Variants in PLCB4 observed in about 807,000 individuals in gnomAD.
PLCB4 encodes phospholipase C beta 4.
PLCB4 carries 77 observed loss-of-function variants against 178.8 expected under a neutral mutation model. The observed-to-expected ratio is 0.43, with a 90% CI of 0.36 to 0.52. The LOEUF (loss-of-function observed/expected upper bound fraction) is 0.52, where lower values mean the gene tolerates loss of function less well. Ranked by LOEUF, PLCB4 falls within the 20% of genes least tolerant of loss-of-function variation. The pLI is 0.00. For synonymous variants in PLCB4, 496 were observed against 490.8 expected, an observed-to-expected ratio of 1.01 and a Z score of -0.14; for missense variants, 1,024 against 1,453.4, an observed-to-expected ratio of 0.70 and a Z score of 4.80.
At position 9,251,290 on chromosome 20, in the gene PLCB4, T is replaced by C. The variant is rs114731543; in HGVS notation, c.-16+33838T>C. 8.5e-3 allele frequency among the ~76,000 whole-genome samples: 1,290 copies of C among 152,324 alleles called. 23 individuals are homozygous for C. The highest frequency in any genetic ancestry group is 0.03 in the African/African-American group (1,234 of 41,576). Reference sequence around the variant, plus strand: ...GTGGTCCTCATATCGGCTGCATAGATGTCACCTGGGAGCTTATTAGAAATT... The same window carrying C: ...GTGGTCCTCATATCGGCTGCATAGACGTCACCTGGGAGCTTATTAGAAATT... On this transcript the variant is annotated intron_variant, in intron 3 of 39. Transcript: ENST00000378473.
chr20:9,124,263 C>A (rs1047894227), intron 2 of PLCB4, among the ~76,000 whole-genome samples: 1 of 152,016 alleles, frequency 6.6e-6, no homozygotes, highest in African/African-American at 2.4e-5. Flanking sequence ...CCCAGAACTT[C>A]GGGAGACTGA....
chr20:9,345,070 TC>T (rs1466501371), intron 7 of PLCB4, among the ~76,000 whole-genome samples: 1 of 152,072 alleles, frequency 6.6e-6, no homozygotes, highest in African/African-American at 2.4e-5. Context: ...ATGCCTGTAA[TC>T]CCAGCTACAC....
At chr20:9,098,804 G>A (rs2091027698) in intron 2 of PLCB4, among the ~76,000 whole-genome samples, 2 of 143,536 alleles carry the variant, frequency 1.4e-5, no homozygotes, top group Non-Finnish European at 3.0e-5. Flanking sequence ...GACATCCTTG[G>A]AATTAATTGC....
intron 12 of PLCB4, among the ~76,000 whole-genome samples, chr20:9,378,433 A>C (rs2036857803): frequency 1.3e-5 from 2 of 152,098 alleles, no homozygotes; most frequent in South Asian, 4.1e-4. Flanking sequence ...TGTTGTTGTC[A>C]GTTTGTTTGT....
intron 9 of PLCB4, among the ~76,000 whole-genome samples, chr20:9,368,082 T>A (rs2035931793): frequency 6.6e-6 from 1 of 152,230 alleles, no homozygotes; most frequent in African/African-American, 2.4e-5. Context: ...TAAACACTTT[T>A]AAAATGTTAT....
chr20:9,437,549 A>G (rs2041851991), intron 30 of PLCB4, among the ~76,000 whole-genome samples: 1 of 152,260 alleles, frequency 6.6e-6, no homozygotes, highest in Non-Finnish European at 1.5e-5. Flanking sequence ...ATATTCAGCC[A>G]GTATGTAGGG....
intron 35 of PLCB4, among the ~76,000 whole-genome samples, chr20:9,461,974 A>C (rs1025553305): frequency 6.6e-6 from 1 of 152,130 alleles, no homozygotes; most frequent in African/African-American, 2.4e-5. Flanking sequence ...CCTGACCCCC[A>C]TGTAGCCTAA....
chr20:9,340,486 C>T (rs537471615), intron 7 of PLCB4, among the ~76,000 whole-genome samples: 8 of 152,218 alleles, frequency 5.3e-5, no homozygotes, highest in South Asian at 2.1e-4. Flanking sequence ...GAAGTGGATG[C>T]TCGATGTCAC....
At chr20:9,471,038 G>A (rs926800363) in intron 36 of PLCB4, among the ~76,000 whole-genome samples, 34 of 152,110 alleles carry the variant, frequency 2.2e-4, no homozygotes, top group Non-Finnish European at 4.4e-4. Context: ...CATAGAAACT[G>A]AAAATCATAC....
intron 2 of PLCB4, among the ~76,000 whole-genome samples, chr20:9,104,036 G>GT (rs2091276084): frequency 6.6e-6 from 1 of 152,024 alleles, no homozygotes; most frequent in Non-Finnish European, 1.5e-5. Flanking sequence ...GCTTGAAACA[G>GT]TAACAACCAC....
intron 1 of PLCB4, among the ~76,000 whole-genome samples, chr20:9,072,965 A>G (rs539295946): frequency 1.8e-4 from 28 of 152,300 alleles, no homozygotes; most frequent in South Asian, 1.7e-3. Context: ...TTCAATGAGA[A>G]TGTCACACAC....
chr20:9,360,864 T>A (rs2035262798), intron 7 of PLCB4, among the ~76,000 whole-genome samples: 1 of 152,232 alleles, frequency 6.6e-6, no homozygotes, highest in Non-Finnish European at 1.5e-5. Flanking sequence ...TTACCTCTTA[T>A]AACCCCTAAG....
chr20:9,316,967 C>T (rs2094906562), intron 4 of PLCB4, among the ~76,000 whole-genome samples: 1 of 152,166 alleles, frequency 6.6e-6, no homozygotes, highest in South Asian at 2.1e-4. Flanking sequence ...TCATCTCATG[C>T]TGAAAAGTCA....
intron 2 of PLCB4, among the ~76,000 whole-genome samples, chr20:9,116,382 A>G (rs191580795): frequency 6.6e-6 from 1 of 152,294 alleles, no homozygotes; most frequent in East Asian, 1.9e-4. Context: ...TACATTGTGC[A>G]TGTACATAGA....
chr20:9,438,860 G>C (rs1485125246), intron 30 of PLCB4, among the ~76,000 whole-genome samples: 1 of 152,180 alleles, frequency 6.6e-6, no homozygotes, highest in East Asian at 1.9e-4. Context: ...TAAAATGGTT[G>C]TTCTGGAGGA....
At chr20:9,191,833 G>T (rs1474934719) in intron 2 of PLCB4, among the ~76,000 whole-genome samples, 1 of 150,408 alleles carries the variant, frequency 6.6e-6, no homozygotes, top group East Asian at 1.9e-4. Context: ...TATTTCTATA[G>T]GTCTGCTATG....
At chr20:9,338,808 T>G (rs556131569) in intron 6 of PLCB4, 86 bp from the exon 7 acceptor site, 1 of 1,008,196 alleles carries the variant, frequency 9.9e-7, no homozygotes, top group Non-Finnish European at 1.5e-6. Context: ...ATTTTTACAT[T>G]AAATGTGGTT....
At chr20:9,304,253 G>A (rs2094739116) in intron 3 of PLCB4, among the ~76,000 whole-genome samples, 1 of 151,622 alleles carries the variant, frequency 6.6e-6, no homozygotes, top group Admixed American at 6.6e-5. Flanking sequence ...GGGTGTGAAT[G>A]TTTAATTTCC....
At chr20:9,369,182 C>T (rs1324984178) in intron 9 of PLCB4, among the ~76,000 whole-genome samples, 3 of 152,110 alleles carry the variant, frequency 2.0e-5, no homozygotes, top group African/African-American at 7.2e-5. Context: ...GCTCAGTCTC[C>T]ACACCCGCTG....
Sources: gnomAD v4.1 joint callset for allele counts (sites outside exome capture counted in the v4.1 genomes callset) on GRCh38, gnomAD v4.1.1 for gene constraint, MANE v1.5 for transcripts, NCBI Gene and HGNC (gene_info 2026-07-23, HGNC 2026-07-21) for gene names.